ACVR2A: variants seen among roughly 807,000 people sequenced by gnomAD.
ACVR2A encodes the protein activin receptor type-2A.
In ACVR2A, 7 loss-of-function variants were observed where a neutral mutation model predicts 61.4. The observed-to-expected ratio is 0.11, with a 90% CI of 0.06 to 0.21. The LOEUF (loss-of-function observed/expected upper bound fraction) is 0.21, where lower values mean the gene tolerates loss of function less well. Among genes scored for constraint, ACVR2A ranks in the 10% least tolerant of loss-of-function variants. The pLI is 1.00. For missense variants in ACVR2A, 322 were observed against 621.7 expected (o/e 0.52, Z 5.13); for synonymous variants, 193 against 208.3 (o/e 0.93, Z 0.63).
rs115767901 is a variant in ACVR2A at position 147,922,727 on chromosome 2, A to G, written c.1078-246A>G. On this transcript the variant is annotated intron_variant, in intron 8 of 10. Transcript: ENST00000241416. ...TGCAGCATCCTTCTCCCAGCTGACAATTGGTTCAGTTTCTTGTGATTACAT... is the reference window on the plus strand; with the variant it reads ...TGCAGCATCCTTCTCCCAGCTGACAGTTGGTTCAGTTTCTTGTGATTACAT... Among the ~76,000 whole-genome samples, 1,118 of 152,208 alleles carry G rather than the reference A, an allele frequency of 7.3e-3. 20 individuals are homozygous for G. Among genetic ancestry groups the G allele is most frequent in the African/African-American group, 0.025 (1,046 of 41,558 alleles).
chr2:147,874,189 G>A (rs1024647082), intron 1 of ACVR2A, among the ~76,000 whole-genome samples: 1 of 151,902 alleles, frequency 6.6e-6, no homozygotes, highest in African/African-American at 2.4e-5. Context: ...AAGAGCTCAT[G>A]CACTTAACTT....
chr2:147,844,966 C>CT (rs1164844860), upstream of ACVR2A: 256 of 348,400 alleles, frequency 7.3e-4, 4 homozygotes, highest in African/African-American at 9.6e-4. Flanking sequence ...TCGTTGTGCT[C>CT]TTTTTTTTCT....
At chr2:147,854,959 A>G (rs566486520) in intron 1 of ACVR2A, among the ~76,000 whole-genome samples, 145 of 151,904 alleles carry the variant, frequency 9.5e-4, no homozygotes, top group African/African-American at 3.4e-3. Flanking sequence ...TTGGCTTACC[A>G]CAACCCCAGC....
Position 147,896,385 on chromosome 2 carries a change from T to A in ACVR2A, c.140T>A (p.Val47Asp). Residue 47 changes from valine (V) to aspartate (D), a missense_variant, in exon 2 of 11, where the codon GTT becomes GAT. Physicochemically the swap from Val to Asp is radical, Grantham distance 152. Transcript: ENST00000241416. ...WEKDRTNQTG[V>D]EPCYGDKDKR... ...AAAGACAGAACCAATCAAACTGGTG[T>A]TGAACCGTGTTATGGTGACAAAGAT... 1.2e-6 allele frequency: 2 copies of A among 1,614,034 alleles called. No homozygotes were observed. The highest frequency in any genetic ancestry group is 2.2e-5 in the East Asian group (1 of 44,836).
chr2:147,917,518 C>T, intron 6 of ACVR2A, 92 bp downstream of exon 6: 1 of 1,317,654 alleles, frequency 7.6e-7, no homozygotes, highest in Non-Finnish European at 1.1e-6. Flanking sequence ...TTTTTCGAGA[C>T]ATCTTATAGT....
chr2:147,908,038 C>CAAAAAAAAAAAAAAAAAAAAA (rs1200221673), intron 4 of ACVR2A, among the ~76,000 whole-genome samples: 2 of 67,032 alleles, frequency 3.0e-5, no homozygotes, highest in Non-Finnish European at 6.1e-5. Context: ...GACTCTGTTT[C>CAAAAAAAAAAAAAAAAAAAAA]AAAAAAAAAA....
At chr2:147,915,374 T>A in intron 5 of ACVR2A, 40 bp downstream of exon 5, 1 of 1,606,978 alleles carries the variant, frequency 6.2e-7, no homozygotes. Context: ...ATACATGTTT[T>A]ATGGCTAGGT....
chr2:147,845,244 TGCGGCCGCG>T (rs1239518923), intron 1 of ACVR2A, 37 bp downstream of exon 1: 13 of 1,595,870 alleles, frequency 8.1e-6, no homozygotes, highest in South Asian at 1.1e-5. Flanking sequence ...GGGCTGCTCC[TGCGGCCGCG>T]GCGGCCGCTG....
chr2:147,914,391 A>G (rs1687198230), intron 4 of ACVR2A, among the ~76,000 whole-genome samples: 1 of 151,948 alleles, frequency 6.6e-6, no homozygotes, highest in Admixed American at 6.6e-5. Context: ...TGATTTGTAG[A>G]TGCTGTATTC....
chr2:147,849,027 A>G (rs942412927), intron 1 of ACVR2A, among the ~76,000 whole-genome samples: 1 of 152,154 alleles, frequency 6.6e-6, no homozygotes, highest in African/African-American at 2.4e-5. Flanking sequence ...GAAACAGACT[A>G]TAGATACGCA....
chr2:147,888,549 G>A (rs1054357331), intron 1 of ACVR2A, among the ~76,000 whole-genome samples: 1 of 152,128 alleles, frequency 6.6e-6, no homozygotes, highest in African/African-American at 2.4e-5. Context: ...CGTAACTGGT[G>A]TTGCATTTTT....
Position 147,927,247 on chromosome 2 carries a change from C to T in ACVR2A, c.1515C>T (p.Asp505=). ...VTVVTMVTNV[D]FPPKESSL ...TGGTCACAATGGTGACAAATGTTGA[C>T]TTTCCTCCCAAAGAATCTAGTCTAT... Residue 505 remains aspartate (D), a synonymous_variant, in exon 11 of 11, where the codon GAC becomes GAT. Transcript: ENST00000241416. The T allele has an allele frequency of 6.2e-7, 1 of 1,611,406 alleles. No individual in the cohort carries two copies. Among genetic ancestry groups the T allele is most frequent in the Non-Finnish European group, 8.5e-7 (1 of 1,178,408 alleles).
At chr2:147,914,748 A>G (rs971617744) in intron 4 of ACVR2A, among the ~76,000 whole-genome samples, 5 of 151,984 alleles carry the variant, frequency 3.3e-5, no homozygotes, top group Non-Finnish European at 7.4e-5. Context: ...CAGTCACTGG[A>G]GAAAGTAATA....
chr2:147,901,464 G>T (rs1558808310), intron 4 of ACVR2A, among the ~76,000 whole-genome samples: 1 of 151,952 alleles, frequency 6.6e-6, no homozygotes, highest in African/African-American at 2.4e-5. Context: ...TATGTGGTCA[G>T]TTTTTTAAGA....
intron 1 of ACVR2A, 147 bp from the exon 2 acceptor site, chr2:147,896,154 A>G: frequency 3.2e-6 from 2 of 629,308 alleles, no homozygotes; most frequent in Non-Finnish European, 5.4e-6. Context: ...AAGTACAGGG[A>G]TTAACCTGGA....
chr2:147,901,477 G>A (rs1686870540), intron 4 of ACVR2A, among the ~76,000 whole-genome samples: 1 of 151,916 alleles, frequency 6.6e-6, no homozygotes, highest in African/African-American at 2.4e-5. Context: ...TTTTAAGAAA[G>A]ACTAAATAAT....
At chr2:147,918,708 T>A (rs1558814010) in intron 7 of ACVR2A, 116 bp downstream of exon 7, 1 of 871,146 alleles carries the variant, frequency 1.1e-6, no homozygotes, top group South Asian at 2.8e-5. Context: ...TACAAGACAG[T>A]CAGTTTTCAT....
chr2:147,912,318 A>G lies in ACVR2A; in HGVS notation c.529-2873A>G, dbSNP rs945236956. 3.9e-5 allele frequency among the ~76,000 whole-genome samples: 6 copies of G among 152,142 alleles called. No homozygotes were observed. In the South Asian group the frequency reaches 1.0e-3, roughly 26 times the overall value. ...TGAGTAAAGAAGAAATGTAATCAGAACTGTGTTTGAATGCATATCTTTTTA... is the reference window on the plus strand; with the variant it reads ...TGAGTAAAGAAGAAATGTAATCAGAGCTGTGTTTGAATGCATATCTTTTTA... On this transcript the variant is annotated intron_variant, in intron 4 of 10. Coordinates refer to ENST00000241416, the MANE Select transcript of ACVR2A (RefSeq NM_001616.5).
At chr2:147,896,277 A>G in intron 1 of ACVR2A, 24 bp from the exon 2 acceptor site, 1 of 1,575,354 alleles carries the variant, frequency 6.3e-7, no homozygotes. Flanking sequence ...ATGTGGTTAT[A>G]TTATTGTTTT....
Sources: allele counts gnomAD v4.1 joint callset (sites outside exome capture counted in the v4.1 genomes callset), GRCh38; gene constraint gnomAD v4.1.1; transcripts MANE v1.5; gene names NCBI Gene and HGNC (gene_info 2026-07-23, HGNC 2026-07-21).